Variants in KLF15 observed in about 807,000 individuals in gnomAD.
KLF15 encodes the protein Krueppel-like factor 15.
Under a neutral mutation model 24.6 loss-of-function variants are expected in KLF15, and 4 were observed. The observed-to-expected ratio is 0.16, with a 90% CI of 0.08 to 0.37. The LOEUF is 0.37. KLF15 is among the 10% of genes least tolerant of loss of function. The pLI, the probability that KLF15 is intolerant of heterozygous loss-of-function variation, is 1.00. For synonymous variants in KLF15, 246 were observed against 236.3 expected (o/e 1.04, Z -0.37); for missense variants, 496 against 560.6 (o/e 0.88, Z 1.16).
the KLF15 span, among the ~76,000 whole-genome samples, chr3:126,288,611 G>C: frequency 6.6e-6 from 1 of 152,228 alleles, no homozygotes; most frequent in East Asian, 1.9e-4. Flanking sequence ...GCCTGCTGCA[G>C]CTTGTCCCTT....
the KLF15 span, among the ~76,000 whole-genome samples, chr3:126,296,051 G>A: frequency 2.0e-5 from 3 of 152,124 alleles, no homozygotes; most frequent in East Asian, 5.8e-4. Flanking sequence ...TATCACAATG[G>A]TCCTGAATAA....
intron 2 of KLF15, among the ~76,000 whole-genome samples, chr3:126,344,151 C>A (rs2082511020): frequency 1.3e-5 from 2 of 152,134 alleles, no homozygotes; most frequent in Non-Finnish European, 2.9e-5. Flanking sequence ...CTCACTGCAG[C>A]CTCCCGGGCT....
the KLF15 span, among the ~76,000 whole-genome samples, chr3:126,312,954 A>G: frequency 2.0e-5 from 3 of 152,174 alleles, no homozygotes; most frequent in African/African-American, 7.2e-5. Flanking sequence ...TTTTATGAAG[A>G]TCCTCATCAC....
chr3:126,353,844 G>A (rs967892212), intron 1 of KLF15, among the ~76,000 whole-genome samples: 7 of 152,188 alleles, frequency 4.6e-5, no homozygotes, highest in Admixed American at 3.9e-4. Flanking sequence ...TCCGTGGAGT[G>A]GAAGCAGACC....
chr3:126,292,296 T>C, the KLF15 span, among the ~76,000 whole-genome samples: 1 of 152,120 alleles, frequency 6.6e-6, no homozygotes, highest in African/African-American at 2.4e-5. Context: ...GGTGACCCTA[T>C]GTCACCCCAA....
At chr3:126,308,550 C>A in the KLF15 span, among the ~76,000 whole-genome samples, 1 of 152,054 alleles carries the variant, frequency 6.6e-6, no homozygotes, top group Non-Finnish European at 1.5e-5. Flanking sequence ...GCGACCCTGG[C>A]GCTCGGGGGT....
chr3:126,329,717 GA>G, the KLF15 span, among the ~76,000 whole-genome samples: 1 of 141,478 alleles, frequency 7.1e-6, no homozygotes, highest in Non-Finnish European at 1.5e-5. Flanking sequence ...AGATCAATAT[GA>G]CAGAAATTGG....
the KLF15 span, among the ~76,000 whole-genome samples, chr3:126,328,779 T>C: frequency 6.6e-6 from 1 of 152,238 alleles, no homozygotes; most frequent in Non-Finnish European, 1.5e-5. Flanking sequence ...TATTGTTTTT[T>C]TATTTCATTT....
At chr3:126,298,960 G>C in the KLF15 span, among the ~76,000 whole-genome samples, 1 of 151,962 alleles carries the variant, frequency 6.6e-6, no homozygotes, top group Non-Finnish European at 1.5e-5. Flanking sequence ...CTCTTTTTTG[G>C]TTCTATATAA....
the KLF15 span, among the ~76,000 whole-genome samples, chr3:126,313,118 T>A: frequency 6.6e-6 from 1 of 152,096 alleles, no homozygotes; most frequent in Non-Finnish European, 1.5e-5. Context: ...TAGCCCTTAA[T>A]CCAACCTGAC....
intron 1 of KLF15, among the ~76,000 whole-genome samples, chr3:126,355,521 T>A (rs2082623534): frequency 6.6e-6 from 1 of 151,698 alleles, no homozygotes; most frequent in Non-Finnish European, 1.5e-5. Flanking sequence ...GTCACCCCTG[T>A]GGGGGCCTCC....
At chr3:126,289,075 A>C in the KLF15 span, 2 of 152,244 alleles carry the variant, frequency 1.3e-5, no homozygotes, top group South Asian at 4.1e-4. Flanking sequence ...GACCTTTCAA[A>C]GCCAAGCTGG....
chr3:126,297,796 G>T, the KLF15 span, among the ~76,000 whole-genome samples: 6 of 152,124 alleles, frequency 3.9e-5, no homozygotes, highest in African/African-American at 1.4e-4. Flanking sequence ...TCTGTCTTAT[G>T]GCTGAATGGT....
the KLF15 span, among the ~76,000 whole-genome samples, chr3:126,306,765 C>A: frequency 2.7e-3 from 412 of 152,338 alleles, no homozygotes; most frequent in African/African-American, 9.7e-3. Flanking sequence ...AGAATGACAG[C>A]GAGTTCCCCT....
chr3:126,310,659 T>G, the KLF15 span, among the ~76,000 whole-genome samples: 1 of 152,136 alleles, frequency 6.6e-6, no homozygotes, highest in Admixed American at 6.5e-5. Context: ...AGATGCCACC[T>G]TCTCCCTGTG....
chr3:126,352,035 C>G lies in KLF15; in HGVS notation c.888G>C (p.Leu296=). The part of the protein sequence containing the change: ...IAAKPVGSGP[L]GPGPAGLLMG... The stretch of plus-strand genomic sequence containing the variant: ...TGAGGAGACCGGCAGGGCCAGGCCC[C>G]AGGGGTCCCGATCCAACAGGCTTGG... Residue 296 remains leucine (L), a synonymous_variant, in exon 2 of 3, where the codon CTG becomes CTC. Coordinates refer to ENST00000296233, the MANE Select transcript of KLF15 (RefSeq NM_014079.4). The G allele has an allele frequency of 1.3e-6, 2 of 1,533,074 alleles. No individual in the cohort carries two copies. Among genetic ancestry groups the G allele is most frequent in the Non-Finnish European group, 8.8e-7 (1 of 1,137,850 alleles). 95.0% of individuals were successfully genotyped at this position (1,533,074 alleles called of 1,614,324 possible). A position where few individuals can be genotyped will look rare whatever the true frequency, so the allele number is the denominator to read the frequency against.
At chr3:126,294,098 G>A in the KLF15 span, 32,525 of 152,130 alleles carry the variant, frequency 0.21, 3,619 homozygotes, top group East Asian at 0.3. Flanking sequence ...TCTGCCTGAC[G>A]CCTTCTCTGC....
intron 1 of KLF15, among the ~76,000 whole-genome samples, chr3:126,353,814 C>G (rs1018635352): frequency 6.6e-6 from 1 of 152,232 alleles, no homozygotes; most frequent in Non-Finnish European, 1.5e-5. Flanking sequence ...GTGGCCAAGG[C>G]CCTGCCCCTC....
the KLF15 span, among the ~76,000 whole-genome samples, chr3:126,292,183 C>T: frequency 2.0e-5 from 3 of 152,218 alleles, no homozygotes; most frequent in Admixed American, 2.0e-4. Context: ...CAGGTACAGA[C>T]TGGCTCCAGG....
Sources: gnomAD v4.1 joint callset for allele counts (sites outside exome capture counted in the v4.1 genomes callset) on GRCh38, gnomAD v4.1.1 for gene constraint, MANE v1.5 for transcripts, NCBI Gene and HGNC (gene_info 2026-07-23, HGNC 2026-07-21) for gene names.